SLC13A3: variants seen among roughly 807,000 people sequenced by gnomAD.
SLC13A3 encodes the protein Na(+)/dicarboxylate cotransporter 3.
In SLC13A3, 40 loss-of-function variants were observed where a neutral mutation model predicts 59.0. The observed-to-expected ratio is 0.68, with a 90% CI of 0.53 to 0.88. The LOEUF is 0.88. Ranked by LOEUF, SLC13A3 falls within the 40% of genes least tolerant of loss-of-function variation. The probability of loss-of-function intolerance (pLI) is 0.00; values close to 1 mark genes in which losing one functional copy is unlikely to be tolerated. For synonymous variants in SLC13A3, 317 were observed against 330.3 expected (o/e 0.96, Z 0.44); for missense variants, 699 against 783.2 (o/e 0.89, Z 1.28).
At chr20:46,673,613 C>G (rs551067731), upstream of SLC13A3, 1 of 152,390 alleles carries the variant, frequency 6.6e-6, no homozygotes, top group East Asian at 1.9e-4. Flanking sequence ...AGGGTCCCCA[C>G]CCCCGACCTC....
At chr20:46,645,299 G>T (rs924289341) in intron 1 of SLC13A3, among the ~76,000 whole-genome samples, 3 of 152,168 alleles carry the variant, frequency 2.0e-5, no homozygotes, top group African/African-American at 7.2e-5. Context: ...AATCACACCT[G>T]GAAAGTCCCT....
chr20:46,581,956 C>A (rs2062143136), intron 9 of SLC13A3, among the ~76,000 whole-genome samples: 1 of 152,156 alleles, frequency 6.6e-6, no homozygotes, highest in African/African-American at 2.4e-5. Flanking sequence ...CCTCCTTAGA[C>A]CCAGTTCCAG....
chr20:46,633,668 C>T (rs1005497999), intron 1 of SLC13A3, among the ~76,000 whole-genome samples: 16 of 152,338 alleles, frequency 1.1e-4, no homozygotes, highest in African/African-American at 3.8e-4. Context: ...CACTGTTTGG[C>T]AATTCCCTTG....
At position 46,596,341 on chromosome 20, in the gene SLC13A3, T is replaced by C. The variant is rs1389759970; in HGVS notation, c.610A>G (p.Lys204Glu). The change falls in exon 5 of 13, where the codon AAA becomes GAA. Residue 204 changes from lysine (K) to glutamate (E), a missense_variant and splice_region_variant. Lys to Glu is a moderately conservative substitution (Grantham distance 56). Transcript: ENST00000279027. ...ACCTCTGTCTCCCCAGGGTGGTCTTTGCTTTAAACAAATCCAAAGAGAAGC... is the reference window on the plus strand; with the variant it reads ...ACCTCTGTCTCCCCAGGGTGGTCTTCGCTTTAAACAAATCCAAAGAGAAGC... The part of the protein sequence containing the change: ...EMQFLASTEA[K>E]DHPGETEVPL... 2 of 1,613,642 alleles carry C rather than the reference T, an allele frequency of 1.2e-6. No individual in the cohort carries two copies. Among genetic ancestry groups the C allele is most frequent in the African/African-American group, 1.3e-5 (1 of 74,910 alleles).
chr20:46,663,337 C>T (rs1180852710), intron 1 of SLC13A3, among the ~76,000 whole-genome samples: 1 of 151,274 alleles, frequency 6.6e-6, no homozygotes, highest in Non-Finnish European at 1.5e-5. Context: ...CTCAGCTACT[C>T]GAGAGGCTGA....
At chr20:46,594,769 T>C (rs536360797) in intron 5 of SLC13A3, among the ~76,000 whole-genome samples, 1 of 152,142 alleles carries the variant, frequency 6.6e-6, no homozygotes, top group East Asian at 1.9e-4. Context: ...AGTGCATGGT[T>C]GACAATCACT....
chr20:46,584,862 G>C (rs2062175862), intron 8 of SLC13A3, among the ~76,000 whole-genome samples: 1 of 150,984 alleles, frequency 6.6e-6, no homozygotes, highest in African/African-American at 2.4e-5. Flanking sequence ...AAAAAAATTG[G>C]AAGATTTTTG....
chr20:46,625,699 A>G (rs937038655), intron 1 of SLC13A3, among the ~76,000 whole-genome samples: 2 of 152,198 alleles, frequency 1.3e-5, no homozygotes, highest in African/African-American at 2.4e-5. Flanking sequence ...GATATAATGG[A>G]ATCATACAGG....
intron 10 of SLC13A3, among the ~76,000 whole-genome samples, chr20:46,573,930 T>A (rs1313274288): frequency 1.3e-5 from 2 of 152,214 alleles, no homozygotes; most frequent in Non-Finnish European, 2.9e-5. Context: ...TCCCTTAACC[T>A]TAATTTCAGA....
chr20:46,653,453 C>T (rs908458336), upstream of SLC13A3, among the ~76,000 whole-genome samples: 2 of 152,164 alleles, frequency 1.3e-5, no homozygotes, highest in African/African-American at 4.8e-5. Context: ...CTCTTTTCCA[C>T]TCATCACTAG....
chr20:46,606,888 A>G (rs1392012902), intron 3 of SLC13A3, among the ~76,000 whole-genome samples: 1 of 152,244 alleles, frequency 6.6e-6, no homozygotes, highest in East Asian at 1.9e-4. Flanking sequence ...CATCACTCAC[A>G]TGGCCCCTGG....
chr20:46,613,576 G>A lies in SLC13A3; in HGVS notation c.261C>T (p.Leu87=), dbSNP rs775399071. 34 of 1,613,864 alleles carry A rather than the reference G, an allele frequency of 2.1e-5. No individual in the cohort carries two copies. The highest frequency in any genetic ancestry group is 6.7e-5 in the Admixed American group (4 of 59,968). The stretch of plus-strand genomic sequence containing the variant: ...CACTGAGGAAGAGGAAGTTGGTGTC[G>A]AGGAAGTACTGGGGGCAGACCTTGT... ...PSNKVCPQYF[L]DTNFLFLSGL... Residue 87 remains leucine (L), a synonymous_variant, in exon 2 of 13, where the codon CTC becomes CTT. Transcript: ENST00000279027.
chr20:46,618,247 G>A (rs2062581777), intron 1 of SLC13A3, among the ~76,000 whole-genome samples: 1 of 152,278 alleles, frequency 6.6e-6, no homozygotes, highest in African/African-American at 2.4e-5. Flanking sequence ...AAGGTTTGGT[G>A]CCTAGCCCAT....
chr20:46,677,713 AGAG>A (rs1332858054), intron 1 of SLC13A3, among the ~76,000 whole-genome samples: 14 of 152,320 alleles, frequency 9.2e-5, no homozygotes, highest in African/African-American at 3.1e-4. Flanking sequence ...ACAAGTAACA[AGAG>A]GAGTAAGACA....
intron 9 of SLC13A3, among the ~76,000 whole-genome samples, chr20:46,578,761 G>A (rs1216730133): frequency 2.0e-5 from 3 of 152,134 alleles, no homozygotes; most frequent in Non-Finnish European, 4.4e-5. Context: ...AACACAGGAA[G>A]ACGCTTTTCT....
upstream of SLC13A3, among the ~76,000 whole-genome samples, chr20:46,674,588 T>TGCGCGC (rs549666867): frequency 2.7e-3 from 374 of 136,714 alleles, 2 homozygotes; most frequent in African/African-American, 0.01. Flanking sequence ...AGGTGGGGAG[T>TGCGCGC]GCGCGCGCGC....
chr20:46,675,488 T>C lies in SLC13A3; in HGVS notation c.-31+8908A>G, dbSNP rs181073303. On this transcript the variant is annotated intron_variant, in intron 1 of 6. Transcript: ENST00000372121. ...CTCGAACTTCTGAGCTCAGGCAATC[T>C]GCCCACCTCAGCCTCCCAAAGTGTT... 1.3e-4 allele frequency among the ~76,000 whole-genome samples: 20 copies of C among 149,126 alleles called. No individual in the cohort carries two copies. The East Asian group carries it at 2.6e-3, about 19-fold the overall frequency.
intron 1 of SLC13A3, among the ~76,000 whole-genome samples, chr20:46,643,636 T>C (rs1194132419): frequency 1.3e-5 from 2 of 152,172 alleles, no homozygotes; most frequent in Non-Finnish European, 2.9e-5. Context: ...TCCTTAACCT[T>C]TGTTGAGAGC....
chr20:46,678,433 T>C (rs2063137982), intron 1 of SLC13A3, among the ~76,000 whole-genome samples: 1 of 152,208 alleles, frequency 6.6e-6, no homozygotes, highest in South Asian at 2.1e-4. Flanking sequence ...TACCTGTGCA[T>C]ATAATAAGTC....
Sources: allele counts gnomAD v4.1 joint callset (sites outside exome capture counted in the v4.1 genomes callset), GRCh38; gene constraint gnomAD v4.1.1; transcripts MANE v1.5; gene names NCBI Gene and HGNC (gene_info 2026-07-23, HGNC 2026-07-21).